Variants in CYP19A1 observed in about 807,000 individuals in gnomAD.
CYP19A1 encodes cytochrome P450 family 19 subfamily A member 1, also known as aromatase.
A neutral mutation model predicts 44.4 loss-of-function variants in CYP19A1; 32 were observed. That is an observed-to-expected ratio of 0.72 (90% CI 0.54 to 0.97). CYP19A1 has a LOEUF of 0.97. CYP19A1 is among the 50% of genes least tolerant of loss of function. The probability of loss-of-function intolerance (pLI) is 0.00; values close to 1 mark genes in which losing one functional copy is unlikely to be tolerated. For missense variants in CYP19A1, 598 were observed against 637.8 expected (o/e 0.94, Z 0.67); for synonymous variants, 212 against 215.6 (o/e 0.98, Z 0.14).
Position 51,250,541 on chromosome 15 carries a change from G to C in CYP19A1, c.-38-7591C>G, listed in dbSNP as rs938367268. On this transcript the variant is annotated intron_variant, in intron 1 of 9. Transcript: ENST00000396402. ...TTCCCAGTGGGCTGCATCTGATAGA[G>C]TCTCCCAGAGAAGTTTTTCTGAAAC... Among the ~76,000 whole-genome samples the C allele has an allele frequency of 4.6e-5, 7 of 152,310 alleles. No homozygotes were observed. In the East Asian group the frequency reaches 5.8e-4, roughly 13 times the overall value.
chr15:51,273,247 C>G (rs1404874116), intron 1 of CYP19A1, among the ~76,000 whole-genome samples: 2 of 152,142 alleles, frequency 1.3e-5, no homozygotes, highest in African/African-American at 4.8e-5. Flanking sequence ...CCACACCCGA[C>G]CCCCTTCCTC....
At chr15:51,327,224 G>A (rs2141027358) in intron 1 of CYP19A1, among the ~76,000 whole-genome samples, 1 of 152,302 alleles carries the variant, frequency 6.6e-6, no homozygotes, top group Admixed American at 6.5e-5. Context: ...GCTTGTTACT[G>A]CCCAGATCTC....
rs559533462 is a variant in CYP19A1, at chr15:51,274,229, C to T, written c.-38-31279G>A. ...ACATGTCTGTTTGGAGACAAGGACC[C>T]TAGGGAAGTAGAGGCATGAAGATTA... On this transcript the variant is annotated intron_variant, in intron 1 of 9. Transcript: ENST00000396402. Among the ~76,000 whole-genome samples the T allele has an allele frequency of 6.6e-5, 10 of 152,208 alleles. No homozygotes were observed. The South Asian group carries it at 2.1e-3, about 32-fold the overall frequency.
intron 1 of CYP19A1, among the ~76,000 whole-genome samples, chr15:51,266,680 T>G (rs996945579): frequency 1.3e-5 from 2 of 152,244 alleles, no homozygotes; most frequent in Non-Finnish European, 2.9e-5. Context: ...CCTTTTAGTA[T>G]AAGCTCTCGA....
chr15:51,224,894 C>G (rs1199853310), intron 4 of CYP19A1, among the ~76,000 whole-genome samples: 7 of 152,188 alleles, frequency 4.6e-5, no homozygotes, highest in African/African-American at 1.7e-4. Context: ...TGCATCATGT[C>G]TATCTATTTG....
chr15:51,334,775 C>T (rs1451870019), intron 1 of CYP19A1, among the ~76,000 whole-genome samples: 1 of 152,198 alleles, frequency 6.6e-6, no homozygotes, highest in Non-Finnish European at 1.5e-5. Flanking sequence ...GAGGGTCCCC[C>T]TTCAAGAAAG....
chr15:51,261,273 C>G (rs28440805), intron 1 of CYP19A1, among the ~76,000 whole-genome samples: 65,140 of 151,700 alleles, frequency 0.43, 14,127 homozygotes, highest in East Asian at 0.51. Flanking sequence ...CCAGGTCAGA[C>G]AACAAAAGGC....
intron 1 of CYP19A1, among the ~76,000 whole-genome samples, chr15:51,335,304 T>G (rs1277364570): frequency 6.6e-6 from 1 of 152,150 alleles, no homozygotes; most frequent in Non-Finnish European, 1.5e-5. Flanking sequence ...TCTAAGACAC[T>G]GCTACTACGA....
intron 1 of CYP19A1, among the ~76,000 whole-genome samples, chr15:51,288,953 C>G (rs974545692): frequency 6.6e-6 from 1 of 152,222 alleles, no homozygotes; most frequent in Non-Finnish European, 1.5e-5. Context: ...GTGACCTCCC[C>G]GCAACATAAC....
chr15:51,221,161 C>T (rs554641817), intron 5 of CYP19A1, among the ~76,000 whole-genome samples: 2 of 152,190 alleles, frequency 1.3e-5, no homozygotes, highest in South Asian at 4.1e-4. Context: ...GAAGTAAAAA[C>T]AAAACAAATT....
At chr15:51,219,513 G>T (rs1595677073) in intron 5 of CYP19A1, among the ~76,000 whole-genome samples, 2 of 152,194 alleles carry the variant, frequency 1.3e-5, no homozygotes, top group Non-Finnish European at 2.9e-5. Flanking sequence ...GGAAGAAATT[G>T]CAATTCATAG....
chr15:51,301,474 A>G (rs2036111117), intron 1 of CYP19A1, among the ~76,000 whole-genome samples: 1 of 152,196 alleles, frequency 6.6e-6, no homozygotes, highest in South Asian at 2.1e-4. Context: ...CAAGTACATA[A>G]AAAGTGAAGT....
Position 51,316,367 on chromosome 15 carries a change from G to A in CYP19A1, c.-39+22128C>T, listed in dbSNP as rs946942771. Among the ~76,000 whole-genome samples the A allele has an allele frequency of 2.5e-4, 38 of 152,170 alleles. 1 individual carries two copies. Among genetic ancestry groups the A allele is most frequent in the Admixed American group, 2.4e-3 (36 of 15,282 alleles). On this transcript the variant is annotated intron_variant, in intron 1 of 9. Coordinates refer to ENST00000396402, the MANE Select transcript of CYP19A1 (RefSeq NM_000103.4). ...AAAACATGTCATCATATTTCCACTAGAGGTGAAGAAAAATTGGGCTGTTTT... is the reference window on the plus strand; with the variant it reads ...AAAACATGTCATCATATTTCCACTAAAGGTGAAGAAAAATTGGGCTGTTTT...
intron 9 of CYP19A1, 112 bp downstream of exon 9, chr15:51,212,208 G>A: frequency 1.2e-6 from 1 of 835,880 alleles, no homozygotes; most frequent in Non-Finnish European, 2.1e-6. Context: ...GGTGGCAGAG[G>A]GAATGAGTAA....
intron 1 of CYP19A1, among the ~76,000 whole-genome samples, chr15:51,307,119 AG>A (rs2036229980): frequency 6.6e-6 from 1 of 152,180 alleles, no homozygotes; most frequent in African/African-American, 2.4e-5. Flanking sequence ...AAGCCACTGG[AG>A]GCTTTTGGAG....
At chr15:51,304,293 G>C (rs940493731) in intron 1 of CYP19A1, among the ~76,000 whole-genome samples, 1 of 152,076 alleles carries the variant, frequency 6.6e-6, no homozygotes, top group African/African-American at 2.4e-5. Flanking sequence ...CTTATCTTGG[G>C]GGTGTTGTGG....
intron 1 of CYP19A1, among the ~76,000 whole-genome samples, chr15:51,274,704 T>G (rs534114650): frequency 3.3e-5 from 5 of 152,188 alleles, no homozygotes; most frequent in Non-Finnish European, 7.3e-5. Context: ...GAAATAGAGA[T>G]GCACAGAGTG....
chr15:51,218,777 G>T, intron 5 of CYP19A1, 122 bp from the exon 6 acceptor site: 1 of 1,509,474 alleles, frequency 6.6e-7, no homozygotes, highest in East Asian at 2.5e-5. Flanking sequence ...GGGGTTCTAA[G>T]CTCAGCAAGA....
rs865970306 is a variant in CYP19A1 at position 51,294,398 on chromosome 15, G to A, written c.-39+44097C>T. Among the ~76,000 whole-genome samples, 7 of 149,920 alleles carry A rather than the reference G, an allele frequency of 4.7e-5. 1 individual carries two copies. Among genetic ancestry groups the A allele is most frequent in the Middle Eastern group, 7.1e-3 (2 of 280 alleles). Reference sequence around the variant, plus strand: ...TGGGAGGTGAGGAGTGTCTCTGCCCGGCCGCCCCGTCTGAGAAGTGAGGAG... The same window carrying A: ...TGGGAGGTGAGGAGTGTCTCTGCCCAGCCGCCCCGTCTGAGAAGTGAGGAG... On this transcript the variant is annotated intron_variant, in intron 1 of 9. Coordinates refer to ENST00000396402, the MANE Select transcript of CYP19A1 (RefSeq NM_000103.4).
Sources: allele counts gnomAD v4.1 joint callset (sites outside exome capture counted in the v4.1 genomes callset), GRCh38; gene constraint gnomAD v4.1.1; transcripts MANE v1.5; gene names NCBI Gene and HGNC (gene_info 2026-07-23, HGNC 2026-07-21).